COG6: variants seen among roughly 807,000 people sequenced by gnomAD.
COG6 encodes conserved oligomeric Golgi complex subunit 6.
A neutral mutation model predicts 88.8 loss-of-function variants in COG6; 74 were observed. That is an observed-to-expected ratio of 0.83 (90% CI 0.69 to 1.01). The LOEUF (loss-of-function observed/expected upper bound fraction) is 1.01. Ranked by LOEUF, COG6 falls within the 50% of genes least tolerant of loss-of-function variation. COG6 has a pLI of 0.00. For missense variants in COG6, 800 were observed against 797.9 expected (o/e 1.00, Z -0.03); for synonymous variants, 286 against 278.7 (o/e 1.03, Z -0.26).
chr13:39,710,968 G>T (rs1244538209), intron 13 of COG6, among the ~76,000 whole-genome samples: 1 of 150,998 alleles, frequency 6.6e-6, no homozygotes, highest in African/African-American at 2.4e-5. Context: ...TTTTACTTTT[G>T]TTTAAGATTA....
At chr13:39,776,578 G>A (rs1396907256) in intron 18 of COG6, among the ~76,000 whole-genome samples, 2 of 152,070 alleles carry the variant, frequency 1.3e-5, no homozygotes, top group African/African-American at 4.8e-5. Context: ...AGAACAAATG[G>A]GAAAAGATGT....
intron 7 of COG6, among the ~76,000 whole-genome samples, chr13:39,681,768 T>C (rs1477654448): frequency 1.3e-5 from 2 of 152,228 alleles, no homozygotes; most frequent in African/African-American, 2.4e-5. Context: ...TTAACAATTT[T>C]AGCAAACTGT....
chr13:39,684,242 G>GTTTTTT (rs1593423136), intron 8 of COG6, among the ~76,000 whole-genome samples: 4 of 44,772 alleles, frequency 8.9e-5, no homozygotes, highest in East Asian at 7.5e-4. Flanking sequence ...CAATTTGGAA[G>GTTTTTT]ATTTTTTTTT....
At chr13:39,745,889 A>G (rs1880316667) in intron 18 of COG6, among the ~76,000 whole-genome samples, 1 of 152,174 alleles carries the variant, frequency 6.6e-6, no homozygotes, top group Admixed American at 6.5e-5. Flanking sequence ...TACACCATAG[A>G]ATACTATGCA....
intron 13 of COG6, among the ~76,000 whole-genome samples, chr13:39,706,193 C>T (rs1877883750): frequency 7.7e-6 from 1 of 130,052 alleles, no homozygotes; most frequent in Admixed American, 7.9e-5. Context: ...TACACACACA[C>T]TTCTTTTATA....
chr13:39,684,346 T>C (rs1429200225), intron 8 of COG6, among the ~76,000 whole-genome samples: 1 of 131,540 alleles, frequency 7.6e-6, no homozygotes, highest in East Asian at 2.6e-4. Flanking sequence ...CCCCCTGGGG[T>C]TCACGCCATT....
At position 39,677,458 on chromosome 13, in the gene COG6, A is replaced by G. The variant is rs747246615; in HGVS notation, c.429-10A>G. 6.5e-7 allele frequency: 1 copy of G among 1,539,660 alleles called. No homozygotes were observed. The highest frequency in any genetic ancestry group is 1.4e-5 in the African/African-American group (1 of 73,392). On this transcript the variant is annotated splice_polypyrimidine_tract_variant and intron_variant, in intron 4 of 18. Coordinates refer to ENST00000455146, the MANE Select transcript of COG6 (RefSeq NM_020751.3). ...TGCTTGATTTTTATTGCTTGTTTTG[A>G]AAATTACAGCCAAAAATTAGAGATA...
At chr13:39,696,267 A>G (rs531441362) in intron 12 of COG6, among the ~76,000 whole-genome samples, 1 of 151,992 alleles carries the variant, frequency 6.6e-6, no homozygotes, top group Non-Finnish European at 1.5e-5. Flanking sequence ...GTAAGGAAAC[A>G]GTAATTAACA....
At chr13:39,742,084 A>G (rs1467510513) in intron 18 of COG6, among the ~76,000 whole-genome samples, 1 of 152,222 alleles carries the variant, frequency 6.6e-6, no homozygotes, top group Non-Finnish European at 1.5e-5. Flanking sequence ...GGCCTGCCTT[A>G]TAAGAGCTCC....
chr13:39,726,173 C>T (rs1210750726), intron 17 of COG6, among the ~76,000 whole-genome samples: 2 of 151,904 alleles, frequency 1.3e-5, no homozygotes, highest in African/African-American at 4.8e-5. Flanking sequence ...TTCAATTCAG[C>T]ATGTCCAAAA....
chr13:39,704,312 A>G (rs989318011), intron 13 of COG6, among the ~76,000 whole-genome samples: 1 of 152,192 alleles, frequency 6.6e-6, no homozygotes, highest in Non-Finnish European at 1.5e-5. Context: ...TTCGACTCTC[A>G]AAATCTAACT....
chr13:39,758,234 AAAAAAAAAT>A (rs1168742937), intron 18 of COG6, among the ~76,000 whole-genome samples: 1 of 149,994 alleles, frequency 6.7e-6, no homozygotes, highest in East Asian at 2.0e-4. Flanking sequence ...AAAAAAAAAA[AAAAAAAAAT>A]GACGAGCTGG....
chr13:39,699,392 A>G, intron 12 of COG6, 109 bp from the exon 13 acceptor site: 1 of 609,134 alleles, frequency 1.6e-6, no homozygotes, highest in Non-Finnish European at 3.0e-6. Flanking sequence ...GTTATATTTT[A>G]CATAAAAACT....
At chr13:39,763,514 G>A (rs1881085015) in intron 18 of COG6, among the ~76,000 whole-genome samples, 1 of 151,656 alleles carries the variant, frequency 6.6e-6, no homozygotes, top group African/African-American at 2.4e-5. Flanking sequence ...TGTTCCTGGT[G>A]TGTCATGATT....
chr13:39,660,870 A>C lies in COG6; in HGVS notation c.358A>C (p.Ser120Arg). 6.3e-7 allele frequency: 1 copy of C among 1,594,798 alleles called. No homozygotes were observed. The highest frequency in any genetic ancestry group is 1.3e-5 in the African/African-American group (1 of 74,620). Residue 120 changes from serine to arginine, a missense_variant, in exon 3 of 19, where the codon AGT (serine) becomes CGT (arginine). Physicochemically the swap from Ser to Arg is moderately radical, Grantham distance 110. Transcript: ENST00000455146. ...AMSNCCQDMT[S>R]RLQAAKEQTQ... ...GAGCAACTGTTGTCAAGATATGACA[A>C]GTCGCCTACAGGTATTATATAATGG...
intron 18 of COG6, among the ~76,000 whole-genome samples, chr13:39,787,675 G>A (rs1357154584): frequency 6.6e-6 from 1 of 152,004 alleles, no homozygotes; most frequent in African/African-American, 2.4e-5. Flanking sequence ...CTCTATTTGT[G>A]CAGGTTCTGC....
chr13:39,665,854 G>A (rs1465652283), intron 4 of COG6, among the ~76,000 whole-genome samples: 2 of 152,198 alleles, frequency 1.3e-5, no homozygotes, highest in Non-Finnish European at 2.9e-5. Context: ...TTTAACTGCT[G>A]ATTTTGGGGT....
chr13:39,749,876 C>T (rs1041624867), intron 18 of COG6, among the ~76,000 whole-genome samples: 1 of 151,926 alleles, frequency 6.6e-6, no homozygotes, highest in Non-Finnish European at 1.5e-5. Context: ...TTTGAAAGCC[C>T]CAGGTAAGAG....
intron 13 of COG6, among the ~76,000 whole-genome samples, chr13:39,717,884 C>T (rs1051097154): frequency 1.3e-5 from 2 of 151,976 alleles, no homozygotes; most frequent in African/African-American, 4.8e-5. Flanking sequence ...AAAAACAAAA[C>T]CCTATAGTTA....
Sources: allele counts gnomAD v4.1 joint callset (sites outside exome capture counted in the v4.1 genomes callset), GRCh38; gene constraint gnomAD v4.1.1; transcripts MANE v1.5; gene names NCBI Gene and HGNC (gene_info 2026-07-23, HGNC 2026-07-21).